The following ATP1A1 variants were observed in gnomAD, a reference collection of about 807,000 sequenced individuals.
ATP1A1 encodes the protein sodium/potassium-transporting ATPase subunit alpha-1.
Under a neutral mutation model 114.8 loss-of-function variants are expected in ATP1A1, and 14 were observed. The ratio of observed to expected loss-of-function variants is 0.12; its 90% CI spans 0.08 to 0.19. The LOEUF (loss-of-function observed/expected upper bound fraction) is 0.19, where lower values mean the gene tolerates loss of function less well. ATP1A1 is among the 10% of genes least tolerant of loss of function. The pLI, the probability that ATP1A1 is intolerant of heterozygous loss-of-function variation, is 1.00. For synonymous variants in ATP1A1, 471 were observed against 466.3 expected, an observed-to-expected ratio of 1.01 and a Z score of -0.13; for missense variants, 524 against 1,290.7, an observed-to-expected ratio of 0.41 and a Z score of 9.10.
intron 10 of ATP1A1, 60 bp downstream of exon 10, chr1:116,390,951 G>T: frequency 6.9e-7 from 1 of 1,450,488 alleles, no homozygotes; most frequent in Non-Finnish European, 9.7e-7. Context: ...TGCCATTTGA[G>T]TGTTAAAAGT....
Position 116,401,804 on chromosome 1 carries a change from T to C in ATP1A1, c.2951+149T>C, listed in dbSNP as rs899532171. ...GTTGGAAAACTGTGAAAGCTTGACA[T>C]GTCAGTAAATCAGACTAACAAATCC... On this transcript the variant is annotated intron_variant, in intron 21 of 22. Transcript: ENST00000295598. This position sits in a 1 kb window ranked among gnomAD's most constrained non-coding sequence, Gnocchi z 4.7. 6 of 715,230 alleles carry C rather than the reference T, an allele frequency of 8.4e-6. No individual in the cohort carries two copies. The East Asian group carries it at 1.3e-4, about 15-fold the overall frequency. 44.3% of individuals were successfully genotyped at this position (715,230 alleles called of 1,614,324 possible).
In ATP1A1 at chr1:116,400,937, G is replaced by A. The variant is rs776481217; in HGVS notation, c.2649G>A (p.Leu883=). 6.2e-7 allele frequency: 1 copy of A among 1,614,216 alleles called. No individual in the cohort carries two copies. Among genetic ancestry groups the A allele is most frequent in the Non-Finnish European group, 8.5e-7 (1 of 1,180,036 alleles). Residue 883 remains leucine (L), a synonymous_variant, in exon 19 of 23, where the codon CTG becomes CTA. Coordinates refer to ENST00000295598, the MANE Select transcript of ATP1A1 (RefSeq NM_000701.8). The part of the protein sequence containing the change: ...LAENGFLPIH[L]LGLRVDWDDR... ...AGAACGGCTTCCTCCCAATTCACCT[G>A]TTGGGCCTCCGAGTGGACTGGGATG...
At chr1:116,390,749 T>C (rs774054465) in intron 9 of ATP1A1, 33 bp from the exon 10 acceptor site, 2 of 1,551,910 alleles carry the variant, frequency 1.3e-6, no homozygotes, top group South Asian at 2.2e-5. Context: ...GTTAATGCAT[T>C]GTTGTTCTGT....
chr1:116,389,876 A>C lies in ATP1A1; in HGVS notation c.1023+169A>C. On this transcript the variant is annotated intron_variant, in intron 8 of 22. Transcript: ENST00000295598. This position sits in a 1 kb window ranked among gnomAD's most constrained non-coding sequence, Gnocchi z 6.9. ...TGAATTTTGACAGTGAGAAAACCTCAGCATTTGTTTATACGTAAGATAACC... is the reference window on the plus strand; with the variant it reads ...TGAATTTTGACAGTGAGAAAACCTCCGCATTTGTTTATACGTAAGATAACC... The C allele has an allele frequency of 1.9e-6, 2 of 1,054,988 alleles. No individual in the cohort carries two copies. The highest frequency in any genetic ancestry group is 2.7e-6 in the Non-Finnish European group (2 of 748,174). The allele number at this position is 1,054,988 out of a possible 1,614,324, so 65.4% of individuals were successfully genotyped here. A position where few individuals can be genotyped will look rare whatever the true frequency, so the allele number is the denominator to read the frequency against.
intron 1 of ATP1A1, among the ~76,000 whole-genome samples, chr1:116,379,135 G>C (rs941536876): frequency 5.9e-5 from 9 of 152,168 alleles, no homozygotes; most frequent in African/African-American, 2.2e-4. Flanking sequence ...TTGACATGCA[G>C]GCAGATTGGG....
rs1191469404 is a variant in ATP1A1 at position 116,388,529 on chromosome 1, T to C, written c.502-109T>C. ...GTAAATAAAAAAGTGAATAATATCT[T>C]TGTTTTGTATTCAGGTAATTAGGAT... On this transcript the variant is annotated intron_variant, in intron 5 of 22. Coordinates refer to ENST00000295598, the MANE Select transcript of ATP1A1 (RefSeq NM_000701.8). This position sits in a 1 kb window ranked among gnomAD's most constrained non-coding sequence, Gnocchi z 5.6. The C allele has an allele frequency of 5.0e-6, 7 of 1,403,996 alleles. No individual in the cohort carries two copies. The African/African-American group carries it at 5.8e-5, about 12-fold the overall frequency. The allele number at this position is 1,403,996 out of a possible 1,614,324, so 87.0% of individuals were successfully genotyped here. A position where few individuals can be genotyped will look rare whatever the true frequency, so the allele number is the denominator to read the frequency against.
intron 1 of ATP1A1, among the ~76,000 whole-genome samples, chr1:116,377,385 C>T (rs1374435026): frequency 6.6e-6 from 1 of 152,146 alleles, no homozygotes; most frequent in East Asian, 1.9e-4. Flanking sequence ...AAGTCATTAG[C>T]CCTTGCAAAA....
intron 1 of ATP1A1, chr1:116,382,318 C>G (rs1651798700): frequency 6.6e-6 from 1 of 152,094 alleles, no homozygotes; most frequent in South Asian, 2.1e-4. Flanking sequence ...ACCACTTTAG[C>G]TGTGGTTCCT....
intron 21 of ATP1A1, 54 bp from the exon 22 acceptor site, chr1:116,403,830 T>A: frequency 6.8e-7 from 1 of 1,468,878 alleles, no homozygotes; most frequent in Admixed American, 1.9e-5. Context: ...TTTCTCTTTC[T>A]TTATTTGAAC....
At chr1:116,379,463 G>A (rs564699067) in intron 1 of ATP1A1, among the ~76,000 whole-genome samples, 1 of 152,140 alleles carries the variant, frequency 6.6e-6, no homozygotes, top group African/African-American at 2.4e-5. Context: ...CCTCAACCCC[G>A]GCCATCCCTT....
intron 13 of ATP1A1, among the ~76,000 whole-genome samples, chr1:116,396,276 CTTTT>C (rs367825500): frequency 3.9e-5 from 4 of 102,652 alleles, no homozygotes; most frequent in Non-Finnish European, 6.0e-5. Flanking sequence ...GATTTTTATC[CTTTT>C]TTTTTTTTTT....
Position 116,388,916 on chromosome 1 carries a change from G to C in ATP1A1, c.651G>C (p.Ser217=), listed in dbSNP as rs187188585. Residue 217 remains serine, a synonymous_variant, in exon 7 of 23, where the codon TCG becomes TCC. Transcript: ENST00000295598. This position sits in a 1 kb window ranked among gnomAD's most constrained non-coding sequence, Gnocchi z 5.6. ...CTCACATATAGGTGGATAACTCCTC[G>C]CTCACTGGTGAATCAGAACCCCAGA... ...SANGCKVDNS[S]LTGESEPQTR... 1 of 1,614,028 alleles carries C rather than the reference G, an allele frequency of 6.2e-7. No individual in the cohort carries two copies. The highest frequency in any genetic ancestry group is 8.5e-7 in the Non-Finnish European group (1 of 1,180,014).
Position 116,384,103 on chromosome 1 carries a change from A to C in ATP1A1, c.102A>C (p.Glu34Asp). 3 of 1,613,922 alleles carry C rather than the reference A, an allele frequency of 1.9e-6. No homozygotes were observed. The highest frequency in any genetic ancestry group is 2.5e-6 in the Non-Finnish European group (3 of 1,179,828). Residue 34 changes from glutamate to aspartate, a missense_variant, in exon 2 of 23, where the codon GAA becomes GAC. Physicochemically the swap from Glu to Asp is conservative, Grantham distance 45. Around this residue, in one of 8 missense-constraint regions of ATP1A1, gnomAD observed 141 missense variants for 316.6 expected, o/e 0.45. Coordinates refer to ENST00000295598, the MANE Select transcript of ATP1A1 (RefSeq NM_000701.8). The surrounding 1 kb of genome is among the most constrained non-coding windows in gnomAD (Gnocchi z 5.1). ...KKGKKDRDMD[E>D]LKKEVSMDDH... The stretch of plus-strand genomic sequence containing the variant: ...GCAAAAAAGACAGGGACATGGATGA[A>C]CTGAAGAAAGAAGTTTCTATGGTAA...
Position 116,400,866 on chromosome 1 carries a change from A to G in ATP1A1, c.2578A>G (p.Ile860Val). 2 of 1,614,190 alleles carry G rather than the reference A, an allele frequency of 1.2e-6. No homozygotes were observed. The highest frequency in any genetic ancestry group is 1.7e-6 in the Non-Finnish European group (2 of 1,180,036). The change falls in exon 19 of 23, where the codon ATC becomes GTC. Residue 860 changes from isoleucine to valine, a missense_variant. By Grantham distance (29) the Ile-to-Val change is conservative. This residue lies in a region of ATP1A1 where 84 missense variants were observed against 209.3 expected (regional missense o/e 0.40). Coordinates refer to ENST00000295598, the MANE Select transcript of ATP1A1 (RefSeq NM_000701.8). ...ISMAYGQIGM[I>V]QALGGFFTYF... is the part of the protein sequence containing the mutation. ...GGGTTGTTTTCCCAACTTAGGAATG[A>G]TCCAGGCCCTGGGAGGCTTCTTTAC...
In ATP1A1 at chr1:116,384,094, C is replaced by T. The variant is rs939137125; in HGVS notation, c.93C>T (p.Asp31=). Residue 31 remains aspartate (D), a synonymous_variant, in exon 2 of 23, where the codon GAC becomes GAT. Transcript: ENST00000295598. The surrounding 1 kb of genome is among the most constrained non-coding windows in gnomAD (Gnocchi z 5.1). ...KKGKKGKKDR[D]MDELKKEVSM... is the part of the protein sequence containing the mutation. Reference sequence around the variant, plus strand: ...GCAAAAAGGGCAAAAAAGACAGGGACATGGATGAACTGAAGAAAGAAGTTT... The same window carrying T: ...GCAAAAAGGGCAAAAAAGACAGGGATATGGATGAACTGAAGAAAGAAGTTT... 23 of 1,613,756 alleles carry T rather than the reference C, an allele frequency of 1.4e-5. No homozygotes were observed. Among genetic ancestry groups the T allele is most frequent in the Non-Finnish European group, 1.9e-5 (22 of 1,179,852 alleles).
intron 1 of ATP1A1, chr1:116,373,759 G>T: frequency 1.7e-6 from 2 of 1,189,240 alleles, no homozygotes; most frequent in South Asian, 2.7e-5. Context: ...ATTGCTTAGG[G>T]GGGTGGGCGG....
rs12082964 is a variant in ATP1A1 at position 116,389,331 on chromosome 1, T to C, written c.755-108T>C. ...AGAGCTGGCCCTTAAAAAGTGCTTT[T>C]ATCAACTCTTTTTGTTTTTTTAGTC... is the stretch of plus-strand genomic sequence containing the variant. On this transcript the variant is annotated intron_variant, in intron 7 of 22. Transcript: ENST00000295598. The surrounding 1 kb of genome is among the most constrained non-coding windows in gnomAD (Gnocchi z 6.9). 0.012 allele frequency: 18,144 copies of C among 1,458,406 alleles called. 983 individuals are homozygous for C. In the African/African-American group the frequency reaches 0.14, roughly 11 times the overall value. 90.3% of individuals were successfully genotyped at this position (1,458,406 alleles called of 1,614,324 possible).
Position 116,404,653 on chromosome 1 carries a change from A to G in ATP1A1, c.*209A>G, listed in dbSNP as rs1319956570. On this transcript the variant is annotated 3_prime_UTR_variant, in exon 23 of 23. Coordinates refer to ENST00000295598, the MANE Select transcript of ATP1A1 (RefSeq NM_000701.8). The surrounding 1 kb of genome is among the most constrained non-coding windows in gnomAD (Gnocchi z 4.8). Reference sequence around the variant, plus strand: ...GCCTGAAAACCATCCATCTGTGGAAATGACAGCGGGGAAGGTTTTTATGTG... The same window carrying G: ...GCCTGAAAACCATCCATCTGTGGAAGTGACAGCGGGGAAGGTTTTTATGTG... 2.6e-5 allele frequency: 34 copies of G among 1,300,512 alleles called. No individual in the cohort carries two copies. The highest frequency in any genetic ancestry group is 3.2e-5 in the Non-Finnish European group (33 of 1,028,736). The allele number at this position is 1,300,512 out of a possible 1,614,324, so 80.6% of individuals were successfully genotyped here. A position where few individuals can be genotyped will look rare whatever the true frequency, so the allele number is the denominator to read the frequency against.
In ATP1A1 at chr1:116,385,465, A is replaced by G. The variant is rs1244548158; in HGVS notation, c.183+623A>G. 6.5e-6 allele frequency: 1 copy of G among 153,216 alleles called. No homozygotes were observed. The highest frequency in any genetic ancestry group is 1.5e-5 in the Non-Finnish European group (1 of 68,852). 9.5% of individuals were successfully genotyped at this position (153,216 alleles called of 1,614,324 possible). On this transcript the variant is annotated intron_variant, in intron 3 of 22. Coordinates refer to ENST00000295598, the MANE Select transcript of ATP1A1 (RefSeq NM_000701.8). The surrounding 1 kb of genome is among the most constrained non-coding windows in gnomAD (Gnocchi z 4.3). ...CAGATAATCACTGAAATGTCTGGGA[A>G]TAACTTGAATAGCAAGCCAATATGT...
Sources: gnomAD v4.1 joint callset for allele counts (sites outside exome capture counted in the v4.1 genomes callset) on GRCh38, gnomAD v4.1.1 for gene constraint, gnomAD v4.1.1 regional missense constraint, Gnocchi (gnomAD v3.1) non-coding constraint, MANE v1.5 for transcripts, NCBI Gene and HGNC (gene_info 2026-07-23, HGNC 2026-07-21) for gene names.